The following PAK1IP1 variants were observed in gnomAD, a reference collection of about 807,000 sequenced individuals.
PAK1IP1 encodes the protein PAK1 interacting protein 1.
A neutral mutation model predicts 42.0 loss-of-function variants in PAK1IP1; 24 were observed. That is an observed-to-expected ratio of 0.57 (90% CI 0.41 to 0.80). The LOEUF is 0.80. PAK1IP1 is among the 30% of genes least tolerant of loss of function. The pLI, the probability that PAK1IP1 is intolerant of heterozygous loss-of-function variation, is 0.00. For missense variants in PAK1IP1, 411 were observed against 467.9 expected, an observed-to-expected ratio of 0.88 and a Z score of 1.12; for synonymous variants, 154 against 156.7, an observed-to-expected ratio of 0.98 and a Z score of 0.13.
At chr6:10,706,902 AAAAGAAAAAG>A (rs1770219728) in intron 7 of PAK1IP1, among the ~76,000 whole-genome samples, 1 of 151,986 alleles carries the variant, frequency 6.6e-6, no homozygotes, top group African/African-American at 2.4e-5. Flanking sequence ...AAAAAAAAAA[AAAAGAAAAAG>A]AAAGAAAAGA....
intron 2 of PAK1IP1, among the ~76,000 whole-genome samples, chr6:10,701,167 C>A (rs1427096392): frequency 6.6e-6 from 1 of 152,216 alleles, no homozygotes; most frequent in Non-Finnish European, 1.5e-5. Flanking sequence ...ACCTCCATCT[C>A]CCGGGTTCAA....
upstream of PAK1IP1, chr6:10,694,854 C>T (rs150108802): frequency 1.4e-3 from 922 of 661,640 alleles, 10 homozygotes; most frequent in African/African-American, 0.014. Flanking sequence ...TAAAGGCAGC[C>T]CTGGAGCCTG....
chr6:10,694,945 A>T, upstream of PAK1IP1: 1 of 1,248,532 alleles, frequency 8.0e-7, no homozygotes, highest in Non-Finnish European at 1.1e-6. Context: ...TGTCACCTCC[A>T]GGCTGAGCCG....
At chr6:10,703,530 CTT>C in intron 5 of PAK1IP1, 73 bp downstream of exon 5, 1 of 1,118,864 alleles carries the variant, frequency 8.9e-7, no homozygotes, top group Admixed American at 2.0e-5. Context: ...AAATCTGAAA[CTT>C]TTTGAGCACT....
chr6:10,692,823 C>G (rs568638128), upstream of PAK1IP1, among the ~76,000 whole-genome samples: 51 of 152,194 alleles, frequency 3.4e-4, 1 homozygote, highest in Admixed American at 3.1e-3. Flanking sequence ...CGTGCCCAGC[C>G]AAGAAAGATT....
chr6:10,709,277 G>T lies in PAK1IP1; in HGVS notation c.1004G>T (p.Gly335Val). 1 of 1,613,680 alleles carries T rather than the reference G, an allele frequency of 6.2e-7. No homozygotes were observed. Among genetic ancestry groups the T allele is most frequent in the Non-Finnish European group, 8.5e-7 (1 of 1,179,948 alleles). ...TCCAAAATTGGCAAAAAGGAGCCTG[G>T]TGACACAGTGCACAAAGAAGAAAAG... ...EQSKIGKKEP[G>V]DTVHKEEKRS... is the part of the protein sequence containing the mutation. Residue 335 changes from glycine (G) to valine (V), a missense_variant, in exon 10 of 10, where the codon GGT (glycine) becomes GTT (valine). Coordinates refer to ENST00000379568, the MANE Select transcript of PAK1IP1 (RefSeq NM_017906.3).
chr6:10,702,529 A>G (rs1220156399), intron 3 of PAK1IP1, 36 bp from the exon 4 acceptor site: 1 of 1,614,158 alleles, frequency 6.2e-7, no homozygotes, highest in Non-Finnish European at 8.5e-7. Flanking sequence ...TCGATGTGCC[A>G]GTCAAGTTGG....
chr6:10,692,313 T>TA (rs1186738810), upstream of PAK1IP1, among the ~76,000 whole-genome samples: 9 of 152,204 alleles, frequency 5.9e-5, no homozygotes, highest in Admixed American at 5.2e-4. Context: ...AGAGGACACT[T>TA]ACTTCACACT....
At chr6:10,700,506 C>T (rs1769995212) in intron 2 of PAK1IP1, among the ~76,000 whole-genome samples, 1 of 152,184 alleles carries the variant, frequency 6.6e-6, no homozygotes, top group African/African-American at 2.4e-5. Context: ...TTTTGGGGGA[C>T]ACTTTCACAC....
intron 5 of PAK1IP1, 52 bp from the exon 6 acceptor site, chr6:10,704,455 A>G: frequency 9.4e-7 from 1 of 1,062,824 alleles, no homozygotes; most frequent in Admixed American, 2.7e-5. Context: ...TACTATGATC[A>G]TTTTATGTTT....
chr6:10,698,187 G>A (rs1325458571), intron 2 of PAK1IP1, among the ~76,000 whole-genome samples: 1 of 152,314 alleles, frequency 6.6e-6, no homozygotes, highest in South Asian at 2.1e-4. Flanking sequence ...GAAAGTAGAA[G>A]AGAACACCTA....
chr6:10,703,396 G>A lies in PAK1IP1; in HGVS notation c.444-9G>A, dbSNP rs2127480560. On this transcript the variant is annotated splice_polypyrimidine_tract_variant and intron_variant, in intron 4 of 9. Transcript: ENST00000379568. ...TGATCACACCGTAAGTGAGCTTCCT[G>A]TTTTGCAGAACGTGGAATCTTGTAG... 3 of 1,607,618 alleles carry A rather than the reference G, an allele frequency of 1.9e-6. No homozygotes were observed. The highest frequency in any genetic ancestry group is 2.2e-5 in the South Asian group (2 of 90,430).
chr6:10,694,871 A>G (rs933768712), upstream of PAK1IP1: 5 of 722,488 alleles, frequency 6.9e-6, no homozygotes, highest in African/African-American at 7.2e-5. Flanking sequence ...CCTGACGTAT[A>G]ATTCGAGCGC....
intron 7 of PAK1IP1, among the ~76,000 whole-genome samples, chr6:10,705,577 G>T (rs958033235): frequency 4.4e-4 from 67 of 151,554 alleles, no homozygotes; most frequent in African/African-American, 1.6e-3. Flanking sequence ...TTCCTGTTTT[G>T]TGCCAGCTTT....
At chr6:10,693,501 A>AC (rs1465935584), upstream of PAK1IP1, among the ~76,000 whole-genome samples, 8 of 152,222 alleles carry the variant, frequency 5.3e-5, no homozygotes, top group Non-Finnish European at 1.0e-4. Flanking sequence ...ACAATTCAGA[A>AC]CACCAGAGAA....
chr6:10,696,004 A>G (rs937048343), intron 1 of PAK1IP1, among the ~76,000 whole-genome samples: 1 of 152,012 alleles, frequency 6.6e-6, no homozygotes, highest in Non-Finnish European at 1.5e-5. Context: ...TGTGTTCCAG[A>G]CACACAGTAG....
chr6:10,705,100 G>A (rs562020384), intron 7 of PAK1IP1, among the ~76,000 whole-genome samples: 18 of 152,210 alleles, frequency 1.2e-4, no homozygotes, highest in Non-Finnish European at 2.1e-4. Context: ...TGAGGCGGGC[G>A]GATCAGGAGG....
chr6:10,693,378 A>G (rs994118581), upstream of PAK1IP1, among the ~76,000 whole-genome samples: 2 of 152,236 alleles, frequency 1.3e-5, no homozygotes, highest in African/African-American at 4.8e-5. Flanking sequence ...TCGTGTCACC[A>G]ATTATCTATT....
chr6:10,702,513 G>A (rs367827169), intron 3 of PAK1IP1, 24 bp downstream of exon 3: 1 of 1,614,002 alleles, frequency 6.2e-7, no homozygotes, highest in Non-Finnish European at 8.5e-7. Flanking sequence ...TTTCCCTTTG[G>A]CATTCTCGAT....
Sources: gnomAD v4.1 joint callset for allele counts (sites outside exome capture counted in the v4.1 genomes callset) on GRCh38, gnomAD v4.1.1 for gene constraint, MANE v1.5 for transcripts, NCBI Gene and HGNC (gene_info 2026-07-23, HGNC 2026-07-21) for gene names.